PRKCE: variants seen among roughly 807,000 people sequenced by gnomAD.
PRKCE encodes protein kinase C epsilon type.
A neutral mutation model predicts 85.4 loss-of-function variants in PRKCE; 16 were observed. The observed-to-expected ratio is 0.19, with a 90% CI of 0.13 to 0.28. The LOEUF is 0.28. Ranked by LOEUF, PRKCE falls within the 10% of genes least tolerant of loss-of-function variation. The probability of loss-of-function intolerance (pLI) is 1.00; values close to 1 mark genes in which losing one functional copy is unlikely to be tolerated. For missense variants in PRKCE, 573 were observed against 975.2 expected (o/e 0.59, Z 5.49); for synonymous variants, 388 against 371.5 (o/e 1.04, Z -0.51).
rs1487673581 is a variant in PRKCE at position 46,063,978 on chromosome 2, C to T, written c.1438-22230C>T. Among the ~76,000 whole-genome samples the T allele has an allele frequency of 4.6e-5, 7 of 152,188 alleles. No individual in the cohort carries two copies. The East Asian group carries it at 9.7e-4, about 21-fold the overall frequency. On this transcript the variant is annotated intron_variant, in intron 10 of 14. Transcript: ENST00000306156. ...TCTTTCATTTGCTAACAGTATTTTA[C>T]TGTCTATGAAAATGGTTAACTGGTC... is the stretch of plus-strand genomic sequence containing the variant.
intron 11 of PRKCE, among the ~76,000 whole-genome samples, chr2:46,093,690 C>T (rs1670407242): frequency 6.6e-6 from 1 of 151,978 alleles, no homozygotes; most frequent in South Asian, 2.1e-4. Flanking sequence ...ACCATGGCAC[C>T]TAGCCTTATT....
chr2:45,952,854 C>G (rs1476243941), intron 2 of PRKCE, among the ~76,000 whole-genome samples: 1 of 152,160 alleles, frequency 6.6e-6, no homozygotes, highest in East Asian at 1.9e-4. Context: ...TATTAGACAA[C>G]CAGTGTCTCT....
chr2:45,709,575 C>G (rs1679429012), intron 1 of PRKCE, among the ~76,000 whole-genome samples: 1 of 152,220 alleles, frequency 6.6e-6, no homozygotes, highest in Admixed American at 6.5e-5. Context: ...CCACCCCATC[C>G]CCATTCTGGA....
At chr2:46,006,304 T>A (rs1705196297) in intron 8 of PRKCE, among the ~76,000 whole-genome samples, 1 of 152,382 alleles carries the variant, frequency 6.6e-6, no homozygotes, top group East Asian at 1.9e-4. Flanking sequence ...CTTTTAGCTC[T>A]ATTGTGAGAT....
At chr2:45,954,779 T>C (rs1449449476) in intron 2 of PRKCE, among the ~76,000 whole-genome samples, 2 of 152,224 alleles carry the variant, frequency 1.3e-5, no homozygotes, top group Non-Finnish European at 2.9e-5. Context: ...ATTGTTAAAC[T>C]GTTTAGAACC....
intron 14 of PRKCE, among the ~76,000 whole-genome samples, chr2:46,176,360 A>G (rs911503172): frequency 6.6e-6 from 1 of 151,992 alleles, no homozygotes; most frequent in African/African-American, 2.4e-5. Flanking sequence ...GGTGAATTAC[A>G]TTCCAGGTTA....
intron 1 of PRKCE, among the ~76,000 whole-genome samples, chr2:45,718,590 C>T (rs1272164014): frequency 6.6e-6 from 1 of 152,062 alleles, no homozygotes; most frequent in Non-Finnish European, 1.5e-5. Flanking sequence ...GATCGGCCCA[C>T]CTCGGCCTCC....
chr2:46,180,347 G>A (rs1004661168), intron 14 of PRKCE, among the ~76,000 whole-genome samples: 5 of 152,192 alleles, frequency 3.3e-5, no homozygotes, highest in Non-Finnish European at 5.9e-5. Flanking sequence ...GTGCCAGGGA[G>A]ATGAACCTGG....
rs1218936744 is a variant in PRKCE at position 45,786,426 on chromosome 2, C to T, written c.349-56574C>T. Among the ~76,000 whole-genome samples the T allele has an allele frequency of 6.6e-6, 1 of 152,168 alleles. No individual in the cohort carries two copies. The highest frequency in any genetic ancestry group is 1.5e-5 in the Non-Finnish European group (1 of 68,040). ...AGTTTGTATTCCCTACCGCAACTTC[C>T]GTTTCTGTACCCACCCACTCCCTCT... On this transcript the variant is annotated intron_variant, in intron 1 of 14. Transcript: ENST00000306156. The surrounding 1 kb of genome is among the most constrained non-coding windows in gnomAD (Gnocchi z 5.3).
chr2:45,993,272 A>G (rs1703956728), intron 6 of PRKCE, among the ~76,000 whole-genome samples: 1 of 152,220 alleles, frequency 6.6e-6, no homozygotes, highest in South Asian at 2.1e-4. Flanking sequence ...TGACACCTGC[A>G]GCCTCCAGGA....
At chr2:45,901,404 A>G (rs1696572921) in intron 2 of PRKCE, among the ~76,000 whole-genome samples, 1 of 152,204 alleles carries the variant, frequency 6.6e-6, no homozygotes, top group Non-Finnish European at 1.5e-5. Context: ...CTCATGTAAT[A>G]TTTTTAGGAA....
chr2:45,965,804 A>G (rs1237771635), intron 2 of PRKCE, among the ~76,000 whole-genome samples: 4 of 151,810 alleles, frequency 2.6e-5, no homozygotes, highest in Admixed American at 2.0e-4. Context: ...TTCTCATTTT[A>G]TACAAATAAA....
chr2:45,963,807 T>C (rs1558892288), intron 2 of PRKCE, among the ~76,000 whole-genome samples: 2 of 151,976 alleles, frequency 1.3e-5, no homozygotes, highest in African/African-American at 4.8e-5. Context: ...TATTTTTCTT[T>C]TTAATTCTGA....
intron 1 of PRKCE, among the ~76,000 whole-genome samples, chr2:45,764,548 G>A (rs1684760090): frequency 6.6e-6 from 1 of 152,220 alleles, no homozygotes; most frequent in Non-Finnish European, 1.5e-5. Flanking sequence ...CAGTGGGACA[G>A]GCATGGCCCC....
chr2:45,875,862 G>T (rs1006176332), intron 2 of PRKCE, among the ~76,000 whole-genome samples: 2 of 152,188 alleles, frequency 1.3e-5, no homozygotes, highest in African/African-American at 4.8e-5. Context: ...CTACTTGAAG[G>T]TTCTGAGCAC....
At chr2:46,057,730 G>T (rs948323191) in intron 10 of PRKCE, among the ~76,000 whole-genome samples, 1 of 152,146 alleles carries the variant, frequency 6.6e-6, no homozygotes, top group Non-Finnish European at 1.5e-5. Flanking sequence ...ATATGACCTT[G>T]TATTTTTGTT....
chr2:46,168,108 G>T (rs1282993878), intron 14 of PRKCE: 1 of 152,182 alleles, frequency 6.6e-6, no homozygotes, highest in Non-Finnish European at 1.5e-5. Flanking sequence ...GATTGGGAGG[G>T]CCATCATTTT....
chr2:45,952,624 A>C (rs1700701991), intron 2 of PRKCE, among the ~76,000 whole-genome samples: 1 of 152,240 alleles, frequency 6.6e-6, no homozygotes, highest in Admixed American at 6.5e-5. Context: ...TGTAATTATT[A>C]GCATTTCCAA....
At chr2:46,022,901 G>A (rs1204398729) in intron 10 of PRKCE, among the ~76,000 whole-genome samples, 7 of 151,560 alleles carry the variant, frequency 4.6e-5, no homozygotes, top group Non-Finnish European at 1.5e-5. Context: ...GGCTAACAAG[G>A]TGAAATCCCG....
Sources: gnomAD v4.1 joint callset for allele counts (sites outside exome capture counted in the v4.1 genomes callset) on GRCh38, gnomAD v4.1.1 for gene constraint, Gnocchi (gnomAD v3.1) non-coding constraint, MANE v1.5 for transcripts, NCBI Gene and HGNC (gene_info 2026-07-23, HGNC 2026-07-21) for gene names.